ZNG1F: variants seen among roughly 807,000 people sequenced by gnomAD.
ZNG1F encodes Zn regulated GTPase metalloprotein activator 1F, also known as zinc-regulated GTPase metalloprotein activator 1F.
the ZNG1F span, among the ~76,000 whole-genome samples, chr9:41,139,589 G>A: frequency 1.5e-3 from 220 of 150,808 alleles, 1 homozygote; most frequent in African/African-American, 5.0e-3. Flanking sequence ...TAGGAAAAGC[G>A]GAAAAGTGCT....
chr9:41,156,657 CA>C, the ZNG1F span: 1 of 229,716 alleles, frequency 4.4e-6, no homozygotes, highest in Non-Finnish European at 7.9e-6. Context: ...ATTATCTTTT[CA>C]ATGCTGAAAT....
chr9:41,184,654 ATT>A, the ZNG1F span, among the ~76,000 whole-genome samples: 1 of 136,576 alleles, frequency 7.3e-6, no homozygotes, highest in African/African-American at 2.7e-5. Flanking sequence ...ACACTTACAT[ATT>A]TTTTATATTT....
At chr9:41,159,124 C>G in the ZNG1F span, among the ~76,000 whole-genome samples, 1 of 150,608 alleles carries the variant, frequency 6.6e-6, no homozygotes, top group African/African-American at 2.4e-5. Flanking sequence ...TTTGGCTCTC[C>G]TCGGTGGGGG....
the ZNG1F span, among the ~76,000 whole-genome samples, chr9:41,175,075 C>A: frequency 2.8e-5 from 4 of 143,660 alleles, no homozygotes; most frequent in East Asian, 8.2e-4. Context: ...GCATCACAGG[C>A]CCAGTTAGTG....
At chr9:41,154,893 T>C in the ZNG1F span, among the ~76,000 whole-genome samples, 2 of 149,634 alleles carry the variant, frequency 1.3e-5, no homozygotes, top group Non-Finnish European at 3.0e-5. Flanking sequence ...CCTAAAACCA[T>C]AAAAACCCTA....
At chr9:41,204,388 TTATATATATATATA>T in the ZNG1F span, among the ~76,000 whole-genome samples, 56 of 20,196 alleles carry the variant, frequency 2.8e-3, no homozygotes, top group African/African-American at 6.2e-3. Context: ...AATTTTTATT[TTATATATATATATA>T]TATATATATA....
At chr9:41,144,708 T>C in the ZNG1F span, among the ~76,000 whole-genome samples, 1 of 148,184 alleles carries the variant, frequency 6.7e-6, no homozygotes. Flanking sequence ...AAAGAAGTTA[T>C]CCTAAAGCTC....
the ZNG1F span, among the ~76,000 whole-genome samples, chr9:41,184,645 C>T: frequency 7.2e-6 from 1 of 139,710 alleles, no homozygotes; most frequent in Non-Finnish European, 1.6e-5. Context: ...AGTAGTTTTA[C>T]ACTTACATAT....
the ZNG1F span, among the ~76,000 whole-genome samples, chr9:41,155,403 G>T: frequency 4.8e-5 from 7 of 146,216 alleles, no homozygotes; most frequent in African/African-American, 1.8e-4. Context: ...TTACACTGTT[G>T]GCGGGACTGT....
At chr9:41,183,667 T>C in the ZNG1F span, 23 of 1,606,112 alleles carry the variant, frequency 1.4e-5, 2 homozygotes, top group Admixed American at 1.2e-4. Context: ...CTTCCTAGAA[T>C]AAATAACAAA....
chr9:41,178,988 T>C, the ZNG1F span, among the ~76,000 whole-genome samples: 2 of 110,034 alleles, frequency 1.8e-5, no homozygotes, highest in Non-Finnish European at 3.9e-5. Context: ...GACTCTCTTG[T>C]TAGAGGCTAA....
the ZNG1F span, chr9:41,183,785 T>C: frequency 1.3e-6 from 2 of 1,532,478 alleles, no homozygotes; most frequent in Non-Finnish European, 1.8e-6. Context: ...TTTTATAACT[T>C]ATATTCTTTC....
At chr9:41,171,022 T>TA in the ZNG1F span, among the ~76,000 whole-genome samples, 1 of 4,144 alleles carries the variant, frequency 2.4e-4, no homozygotes, top group African/African-American at 2.6e-4. Flanking sequence ...TCTATCAAAA[T>TA]AAAAAAAAAA....
chr9:41,163,996 GA>G, the ZNG1F span: 1 of 64,160 alleles, frequency 1.6e-5, no homozygotes, highest in Admixed American at 2.1e-4. Context: ...GAAATATGTG[GA>G]AAAAATATGA....
chr9:41,187,546 G>A, the ZNG1F span, among the ~76,000 whole-genome samples: 4 of 148,472 alleles, frequency 2.7e-5, no homozygotes, highest in Admixed American at 2.1e-4. Flanking sequence ...AACCCATAGG[G>A]ACGCCACTGA....
chr9:41,197,744 T>G, the ZNG1F span, among the ~76,000 whole-genome samples: 1 of 132,190 alleles, frequency 7.6e-6, no homozygotes, highest in Non-Finnish European at 1.6e-5. Context: ...TCCTTTGATA[T>G]TTTAGACTGG....
chr9:41,157,584 C>G, the ZNG1F span: 6 of 145,324 alleles, frequency 4.1e-5, no homozygotes, highest in East Asian at 8.6e-4. Flanking sequence ...CAGAAGCTTG[C>G]CAAACATTTG....
the ZNG1F span, among the ~76,000 whole-genome samples, chr9:41,169,192 T>A: frequency 2.6e-5 from 4 of 151,370 alleles, no homozygotes; most frequent in Admixed American, 2.6e-4. Context: ...CAGCCCTGCA[T>A]TTCCCTCATG....
chr9:41,156,168 T>C, the ZNG1F span, among the ~76,000 whole-genome samples: 12 of 130,238 alleles, frequency 9.2e-5, 1 homozygote, highest in Non-Finnish European at 1.9e-4. Context: ...AAATTAACTA[T>C]CATTTACACT....
Sources: gnomAD v4.1 joint callset for allele counts (sites outside exome capture counted in the v4.1 genomes callset) on GRCh38, gnomAD v4.1.1 for gene constraint, MANE v1.5 for transcripts, NCBI Gene and HGNC (gene_info 2026-07-23, HGNC 2026-07-21) for gene names.